The following POM121 variants were observed in gnomAD, a reference collection of about 807,000 sequenced individuals.
The protein encoded by POM121 is POM121 transmembrane nucleoporin.
POM121 carries 32 observed loss-of-function variants against 81.3 expected under a neutral mutation model. That is an observed-to-expected ratio of 0.39 (90% CI 0.30 to 0.53). The LOEUF is 0.53. Among genes scored for constraint, POM121 ranks in the 20% least tolerant of loss-of-function variants. POM121 has a pLI of 0.66. For synonymous variants in POM121, 514 were observed against 694.2 expected (o/e 0.74, Z 4.08); for missense variants, 1,138 against 1,614.6 (o/e 0.70, Z 5.06).
Position 72,943,301 on chromosome 7 carries a change from C to A in POM121, c.3308C>A (p.Ala1103Glu), listed in dbSNP as rs1554502345. The change falls in exon 11 of 13, where the codon GCA becomes GAA. Residue 1103 changes from alanine to glutamate, a missense_variant. By Grantham distance (107) the Ala-to-Glu change is moderately radical. Transcript: ENST00000434423. ...TPSPFTFGGS[A>E]APAGSGSFGI... is the part of the protein sequence containing the mutation. ...TCACCCTTCACGTTTGGGGGTTCGGCAGCCCCCGCTGGCAGTGGGAGCTTT... is the reference window on the plus strand; with the variant it reads ...TCACCCTTCACGTTTGGGGGTTCGGAAGCCCCCGCTGGCAGTGGGAGCTTT... 2 of 1,608,096 alleles carry A rather than the reference C, an allele frequency of 1.2e-6. No homozygotes were observed. The highest frequency in any genetic ancestry group is 1.7e-6 in the Non-Finnish European group (2 of 1,177,688).
At chr7:72,923,119 C>G (rs1378488028), upstream of POM121, among the ~76,000 whole-genome samples, 1 of 149,628 alleles carries the variant, frequency 6.7e-6, no homozygotes, top group Non-Finnish European at 1.5e-5. Context: ...CCCAACCCCC[C>G]CCCCCTTTTT....
chr7:72,925,588 A>T lies in POM121; in HGVS notation c.467A>T (p.Gln156Leu), dbSNP rs1554497097. 3.9e-6 allele frequency: 6 copies of T among 1,529,476 alleles called. No homozygotes were observed. The highest frequency in any genetic ancestry group is 5.2e-6 in the Non-Finnish European group (6 of 1,144,898). The allele number at this position is 1,529,476 out of a possible 1,614,324, so 94.7% of individuals were successfully genotyped here. ...PPQPAAAPEG[Q>L]DLRDRPGRRP... ...CAGCCCGCCGCCGCTCCGGAGGGCC[A>T]GGACCTGCGGGATAGGCCTGGCCGC... Residue 156 changes from glutamine to leucine, a missense_variant, in exon 1 of 13, where the codon CAG becomes CTG. Coordinates refer to ENST00000434423, the MANE Select transcript of POM121 (RefSeq NM_001387691.1).
At chr7:72,927,204 A>G (rs782245564) in intron 3 of POM121, among the ~76,000 whole-genome samples, 1 of 152,348 alleles carries the variant, frequency 6.6e-6, no homozygotes, top group African/African-American at 2.4e-5. Flanking sequence ...GCTGACTGCT[A>G]TTAGCCACGC....
intron 3 of POM121, among the ~76,000 whole-genome samples, chr7:72,895,438 G>C (rs1554491587): frequency 2.0e-5 from 3 of 152,124 alleles, no homozygotes; most frequent in Non-Finnish European, 4.4e-5. Flanking sequence ...CCAGGTCCTA[G>C]ACAGCTGTCT....
chr7:72,928,013 C>T (rs1328489454), intron 3 of POM121, among the ~76,000 whole-genome samples: 1 of 152,136 alleles, frequency 6.6e-6, no homozygotes, highest in South Asian at 2.1e-4. Flanking sequence ...CAAGACCAGC[C>T]TGGGCAACAT....
intron 5 of POM121, among the ~76,000 whole-genome samples, chr7:72,937,118 G>T (rs1796586330): frequency 6.6e-6 from 1 of 152,078 alleles, no homozygotes; most frequent in Admixed American, 6.5e-5. Context: ...AGCTGGGTGT[G>T]GTGGCATGTT....
At chr7:72,889,815 G>A (rs1162505326) in intron 1 of POM121, among the ~76,000 whole-genome samples, 2 of 152,030 alleles carry the variant, frequency 1.3e-5, no homozygotes, top group African/African-American at 2.4e-5. Context: ...ACCATGCCCA[G>A]CCCCAACCTC....
rs117863045 is a variant in POM121, at chr7:72,908,170, C to T, written c.-215-5595C>T. Reference sequence around the variant, plus strand: ...CTTCAATGATGTCGGGGGAACCCGCCCCTGATAATTCAACGTGAGTCCTTT... The same window carrying T: ...CTTCAATGATGTCGGGGGAACCCGCTCCTGATAATTCAACGTGAGTCCTTT... On this transcript the variant is annotated intron_variant, in intron 3 of 15. Coordinates refer to the POM121 transcript ENST00000395270. 6.3e-4 allele frequency among the ~76,000 whole-genome samples: 96 copies of T among 152,264 alleles called. 1 individual carries two copies. Among genetic ancestry groups the T allele is most frequent in the Non-Finnish European group, 1.3e-3 (88 of 68,038 alleles).
At chr7:72,894,600 A>G (rs1791672989) in intron 3 of POM121, among the ~76,000 whole-genome samples, 1 of 143,816 alleles carries the variant, frequency 7.0e-6, no homozygotes, top group Non-Finnish European at 1.5e-5. Context: ...AACTCTTTCT[A>G]GAGAGAGAGA....
intron 3 of POM121, among the ~76,000 whole-genome samples, chr7:72,905,259 C>T (rs1289332084): frequency 5.3e-5 from 8 of 152,130 alleles, no homozygotes; most frequent in Non-Finnish European, 7.4e-5. Context: ...GTTTCCCTTG[C>T]GACTTACTCT....
At position 72,925,257 on chromosome 7, in the gene POM121, C is replaced by T. The variant is rs1328579336; in HGVS notation, c.136C>T (p.Leu46=). The T allele has an allele frequency of 3.3e-6, 5 of 1,534,446 alleles. No homozygotes were observed. The highest frequency in any genetic ancestry group is 4.4e-6 in the Non-Finnish European group (5 of 1,146,364). The change falls in exon 1 of 13, where the codon CTG becomes TTG. Residue 46 remains leucine (L), a synonymous_variant. Coordinates refer to ENST00000434423, the MANE Select transcript of POM121 (RefSeq NM_001387691.1). Reference sequence around the variant, plus strand: ...GGGCCTGTCGCTGGTTGGCCTCTTACTGTACCTCGTGCCGGCTGCGGCTGC... The same window carrying T: ...GGGCCTGTCGCTGGTTGGCCTCTTATTGTACCTCGTGCCGGCTGCGGCTGC... ...LLGLSLVGLL[L]YLVPAAAALA...
At chr7:72,899,988 C>T (rs569817797) in intron 3 of POM121, among the ~76,000 whole-genome samples, 1 of 152,148 alleles carries the variant, frequency 6.6e-6, no homozygotes, top group Non-Finnish European at 1.5e-5. Flanking sequence ...TAAACCTGGC[C>T]AAGCAAGAGA....
rs1414448812 is a variant in POM121, at chr7:72,925,474, A to G, written c.353A>G (p.Asn118Ser). The G allele has an allele frequency of 5.2e-6, 8 of 1,532,276 alleles. No homozygotes were observed. In the East Asian group the frequency reaches 1.2e-4, roughly 23 times the overall value. 94.9% of individuals were successfully genotyped at this position (1,532,276 alleles called of 1,614,324 possible). A position where few individuals can be genotyped will look rare whatever the true frequency, so the allele number is the denominator to read the frequency against. ...SPLAKSTANG[N>S]LLEPRTLLEG... ...CTGGCCAAGTCGACAGCCAACGGAA[A>G]CCTCCTAGAGCCGCGGACCCTGCTC... Residue 118 changes from asparagine (N) to serine (S), a missense_variant, in exon 1 of 13, where the codon AAC (asparagine) becomes AGC (serine). Around this residue, in one of 7 missense-constraint regions of POM121, gnomAD observed 646 missense variants for 633.5 expected, o/e 1.02. Coordinates refer to ENST00000434423, the MANE Select transcript of POM121 (RefSeq NM_001387691.1).
chr7:72,891,489 C>A (rs572169808), intron 3 of POM121, among the ~76,000 whole-genome samples: 1 of 152,162 alleles, frequency 6.6e-6, no homozygotes, highest in African/African-American at 2.4e-5. Flanking sequence ...TCACTGCAAC[C>A]ATCACCTCCC....
At chr7:72,892,187 A>C (rs1291647124) in intron 3 of POM121, among the ~76,000 whole-genome samples, 16 of 152,216 alleles carry the variant, frequency 1.1e-4, no homozygotes, top group African/African-American at 3.9e-4. Flanking sequence ...TATCCCGTAA[A>C]AGAGTTTATC....
At chr7:72,883,730 A>G (rs1790395327) in intron 1 of POM121, among the ~76,000 whole-genome samples, 2 of 151,826 alleles carry the variant, frequency 1.3e-5, no homozygotes, top group South Asian at 4.2e-4. Flanking sequence ...TCACACAACT[A>G]TACCATACGT....
At chr7:72,928,344 A>G in intron 3 of POM121, 41 bp from the exon 4 acceptor site, 1 of 1,612,350 alleles carries the variant, frequency 6.2e-7, no homozygotes, top group Non-Finnish European at 8.5e-7. Flanking sequence ...GGGACAAAAA[A>G]AGTCATGTCA....
upstream of POM121, among the ~76,000 whole-genome samples, chr7:72,923,734 G>A (rs1309475192): frequency 2.0e-5 from 3 of 149,168 alleles, no homozygotes; most frequent in Non-Finnish European, 4.5e-5. Flanking sequence ...CAAGTAGCTG[G>A]GACTACAGGC....
chr7:72,949,764 A>C, downstream of POM121: 2 of 894,082 alleles, frequency 2.2e-6, no homozygotes, highest in Non-Finnish European at 3.8e-6. Flanking sequence ...AGTTAAGCGA[A>C]AGTCATCCTT....
Sources: allele counts gnomAD v4.1 joint callset (sites outside exome capture counted in the v4.1 genomes callset), GRCh38; gene constraint gnomAD v4.1.1; regional missense constraint gnomAD v4.1.1; transcripts MANE v1.5; gene names NCBI Gene and HGNC (gene_info 2026-07-23, HGNC 2026-07-21).